Variants in DGKB observed in about 807,000 individuals in gnomAD.
DGKB encodes the protein diacylglycerol kinase beta, also known as 90 kDa diacylglycerol kinase.
DGKB carries 67 observed loss-of-function variants against 114.3 expected under a neutral mutation model. That is an observed-to-expected ratio of 0.59 (90% confidence interval 0.48 to 0.72). The LOEUF (loss-of-function observed/expected upper bound fraction) is 0.72. DGKB is among the 30% of genes least tolerant of loss of function. DGKB has a pLI of 0.00. For synonymous variants in DGKB, 398 were observed against 323.1 expected (o/e 1.23, Z -2.49); for missense variants, 907 against 975.2 (o/e 0.93, Z 0.93).
chr7:14,694,352 C>G (rs191524118), intron 8 of DGKB, among the ~76,000 whole-genome samples, 158 bp from the exon 9 acceptor site: 242 of 152,296 alleles, frequency 1.6e-3, no homozygotes, highest in African/African-American at 5.6e-3. Flanking sequence ...TGAAGAGCGA[C>G]TTTGTTAGCA....
rs146376759 is a variant in DGKB, at chr7:14,269,438, G to T, written c.2122+69077C>A. 4.6e-5 allele frequency among the ~76,000 whole-genome samples: 7 copies of T among 152,264 alleles called. No individual in the cohort carries two copies. In the East Asian group the frequency reaches 1.4e-3, roughly 29 times the overall value. On this transcript the variant is annotated intron_variant, in intron 23 of 25. Coordinates refer to ENST00000402815, the MANE Select transcript of DGKB (RefSeq NM_001350709.2). ...GACTTGCCAAGAATCAACTTAAATGGTCTGTTTGGTTCTGAATTAGAGGTG... is the reference window on the plus strand; with the variant it reads ...GACTTGCCAAGAATCAACTTAAATGTTCTGTTTGGTTCTGAATTAGAGGTG...
chr7:14,964,522 T>C lies in DGKB; in HGVS notation c.-188+10174A>G, dbSNP rs191740889. On this transcript the variant is annotated intron_variant, in intron 1 of 4. Transcript: ENST00000437998. The stretch of plus-strand genomic sequence containing the variant: ...CTCAAAAATAAATAAATAAGATAAA[T>C]GGAAAATAAAACACATGAGTATTAC... Among the ~76,000 whole-genome samples, 7 of 151,922 alleles carry C rather than the reference T, an allele frequency of 4.6e-5. No homozygotes were observed. In the East Asian group the frequency reaches 1.2e-3, roughly 25 times the overall value.
At chr7:14,755,646 A>C (rs1229305064) in intron 3 of DGKB, among the ~76,000 whole-genome samples, 1 of 152,112 alleles carries the variant, frequency 6.6e-6, no homozygotes, top group Admixed American at 6.6e-5. Context: ...GTAATTTTTT[A>C]TAAATTGGAT....
chr7:14,941,649 T>A (rs748118382), intron 1 of DGKB, among the ~76,000 whole-genome samples: 1 of 152,076 alleles, frequency 6.6e-6, no homozygotes, highest in African/African-American at 2.4e-5. Context: ...TGAATGGTAC[T>A]AAATGTAAAA....
intron 1 of DGKB, among the ~76,000 whole-genome samples, chr7:14,966,269 G>T (rs919951118): frequency 6.6e-6 from 1 of 151,806 alleles, no homozygotes; most frequent in Non-Finnish European, 1.5e-5. Context: ...GTCTTAAGAG[G>T]CTTTTTTATA....
In DGKB at chr7:14,345,418, T is replaced by G. The variant is rs1047272988; in HGVS notation, c.1836-27A>C. ...TGAAAAAGAAAAGGAAGAAGCACCT[T>G]AGGCAATTATCAATAACAGAGGGAT... On this transcript the variant is annotated intron_variant, in intron 21 of 25. Coordinates refer to ENST00000402815, the MANE Select transcript of DGKB (RefSeq NM_001350709.2). 4.1e-6 allele frequency: 5 copies of G among 1,227,776 alleles called. No homozygotes were observed. In the African/African-American group the frequency reaches 6.0e-5, roughly 15 times the overall value. 76.1% of individuals were successfully genotyped at this position (1,227,776 alleles called of 1,614,324 possible). A position where few individuals can be genotyped will look rare whatever the true frequency, so the allele number is the denominator to read the frequency against.
intron 1 of DGKB, among the ~76,000 whole-genome samples, chr7:14,854,641 C>G (rs1849865302): frequency 6.6e-6 from 1 of 152,226 alleles, no homozygotes; most frequent in South Asian, 2.1e-4. Context: ...GGTGGTAACA[C>G]TTCCTGGCCC....
In DGKB at chr7:14,400,836, G is replaced by A. The variant is rs77891022; in HGVS notation, c.1836-55445C>T. On this transcript the variant is annotated intron_variant, in intron 21 of 25. Transcript: ENST00000402815. ...TCTTATTGAAAAACAGAAATGCCAA[G>A]AGGGAGAGACCTCTTAGATATACCC... Among the ~76,000 whole-genome samples the A allele has an allele frequency of 3.5e-3, 526 of 151,878 alleles. 2 individuals are homozygous for A. Among genetic ancestry groups the A allele is most frequent in the African/African-American group, 0.012 (508 of 41,512 alleles).
At chr7:14,748,654 C>G (rs1564092818) in intron 4 of DGKB, among the ~76,000 whole-genome samples, 1 of 152,132 alleles carries the variant, frequency 6.6e-6, no homozygotes, top group Non-Finnish European at 1.5e-5. Context: ...ATTAGATCAT[C>G]AAAAGAGAGT....
At chr7:14,297,810 C>T (rs1802841924) in intron 23 of DGKB, among the ~76,000 whole-genome samples, 1 of 152,126 alleles carries the variant, frequency 6.6e-6, no homozygotes, top group Non-Finnish European at 1.5e-5. Flanking sequence ...AAAACCCCAT[C>T]ATCTCAGCCC....
intron 13 of DGKB, among the ~76,000 whole-genome samples, chr7:14,642,769 G>C (rs1417781780): frequency 1.3e-5 from 2 of 152,048 alleles, no homozygotes; most frequent in Non-Finnish European, 2.9e-5. Flanking sequence ...GCTGCATATG[G>C]TATATTACAT....
intron 2 of DGKB, among the ~76,000 whole-genome samples, chr7:14,827,941 G>C (rs577761247): frequency 3.4e-4 from 51 of 152,128 alleles, no homozygotes; most frequent in South Asian, 1.9e-3. Context: ...GTGAAATGTG[G>C]GAGGCTGGAA....
intron 1 of DGKB, among the ~76,000 whole-genome samples, chr7:14,936,896 C>A (rs2189717): frequency 0.34 from 52,227 of 151,738 alleles, 10,599 homozygotes; most frequent in East Asian, 0.75. Flanking sequence ...ACTAGGCTTT[C>A]ATTTATATCA....
intron 25 of DGKB, among the ~76,000 whole-genome samples, chr7:14,159,271 T>C (rs1783500013): frequency 6.6e-6 from 1 of 152,140 alleles, no homozygotes; most frequent in South Asian, 2.1e-4. Context: ...TTTCTCTGCA[T>C]AAGACACTCT....
At chr7:14,729,115 TTTTC>T (rs1214989519) in intron 5 of DGKB, among the ~76,000 whole-genome samples, 1 of 142,564 alleles carries the variant, frequency 7.0e-6, no homozygotes, top group Non-Finnish European at 1.5e-5. Flanking sequence ...ACGGGTTTCA[TTTTC>T]TTTCTTTTTT....
intron 23 of DGKB, among the ~76,000 whole-genome samples, chr7:14,237,680 G>A (rs546000381): frequency 2.6e-5 from 4 of 151,962 alleles, no homozygotes; most frequent in Admixed American, 2.0e-4. Flanking sequence ...AGTTTATGTA[G>A]TAGAATCAAT....
At chr7:14,551,588 A>G (rs1363146613) in intron 20 of DGKB, among the ~76,000 whole-genome samples, 1 of 152,110 alleles carries the variant, frequency 6.6e-6, no homozygotes. Flanking sequence ...GTCTTACATG[A>G]GCACTATTTT....
chr7:14,971,929 A>C (rs1287592525), intron 1 of DGKB, among the ~76,000 whole-genome samples: 1 of 152,066 alleles, frequency 6.6e-6, no homozygotes, highest in Non-Finnish European at 1.5e-5. Flanking sequence ...TACTTTTAGT[A>C]GAGATGGGGT....
At chr7:14,232,665 A>G (rs78865272) in intron 23 of DGKB, among the ~76,000 whole-genome samples, 53 of 152,070 alleles carry the variant, frequency 3.5e-4, no homozygotes, top group Non-Finnish European at 7.6e-4. Context: ...AAAGCAAAAA[A>G]ACTAACTTTT....
Sources: allele counts gnomAD v4.1 joint callset (sites outside exome capture counted in the v4.1 genomes callset), GRCh38; gene constraint gnomAD v4.1.1; transcripts MANE v1.5; gene names NCBI Gene and HGNC (gene_info 2026-07-23, HGNC 2026-07-21).